Variants in CD6 observed in about 807,000 individuals in gnomAD.
CD6 encodes CD6 molecule, also known as T-cell differentiation antigen CD6.
CD6 carries 53 observed loss-of-function variants against 75.3 expected under a neutral mutation model. The observed-to-expected ratio is 0.70, with a 90% CI of 0.56 to 0.88. CD6 has a LOEUF of 0.88. CD6 is among the 40% of genes least tolerant of loss of function. CD6 has a pLI of 0.00. For missense variants in CD6, 770 were observed against 897.1 expected (o/e 0.86, Z 1.81); for synonymous variants, 359 against 381.5 (o/e 0.94, Z 0.69).
At chr11:61,012,761 G>C in intron 6 of CD6, among the ~76,000 whole-genome samples, 1 of 152,174 alleles carries the variant, frequency 6.6e-6, no homozygotes, top group East Asian at 1.9e-4. Flanking sequence ...GGGCTGCAGA[G>C]GTGGGAGACC....
intron 8 of CD6, among the ~76,000 whole-genome samples, chr11:61,014,946 G>A (rs1246555572): frequency 6.6e-6 from 1 of 152,124 alleles, no homozygotes; most frequent in African/African-American, 2.4e-5. Flanking sequence ...TATGAAAAGA[G>A]AATGTGAATA....
At position 61,014,028 on chromosome 11, in the gene CD6, C is replaced by T. The variant is rs751653190; in HGVS notation, c.1387+14C>T. ...TCCCCAAAGAAGGTAGGATGTCCCC[C>T]ATCCTGGGTGTGGGAGGGCTGGGGA... On this transcript the variant is annotated intron_variant, in intron 8 of 12. Coordinates refer to ENST00000313421, the MANE Select transcript of CD6 (RefSeq NM_006725.5). The T allele has an allele frequency of 6.3e-7, 1 of 1,598,616 alleles. No individual in the cohort carries two copies. The highest frequency in any genetic ancestry group is 8.6e-7 in the Non-Finnish European group (1 of 1,168,790).
At position 61,018,276 on chromosome 11, in the gene CD6, TG is replaced by T; in HGVS notation, c.1838-8del. 1 of 1,582,310 alleles carries T rather than the reference TG, an allele frequency of 6.3e-7. No homozygotes were observed. The highest frequency in any genetic ancestry group is 8.6e-7 in the Non-Finnish European group (1 of 1,163,556). On this transcript the variant is annotated splice_polypyrimidine_tract_variant and intron_variant, in intron 11 of 12. Coordinates refer to ENST00000313421, the MANE Select transcript of CD6 (RefSeq NM_006725.5). ...TGTGCTGGCAGAGGGTGACTGGTTC[TG>T]GGGGTTTCCAGCAGGGCCCCCGGCT...
chr11:60,982,924 C>G (rs1857635188), intron 1 of CD6, among the ~76,000 whole-genome samples: 2 of 151,958 alleles, frequency 1.3e-5, no homozygotes, highest in Admixed American at 6.6e-5. Flanking sequence ...CTCCCCACCC[C>G]CACCCCTAGA....
chr11:60,991,353 A>G (rs951933610), intron 1 of CD6, among the ~76,000 whole-genome samples: 4 of 151,582 alleles, frequency 2.6e-5, no homozygotes, highest in Non-Finnish European at 5.9e-5. Context: ...GGGCTTCTCC[A>G]TGTTGGTCAG....
At chr11:61,005,051 C>T (rs1858784006) in intron 1 of CD6, among the ~76,000 whole-genome samples, 2 of 152,224 alleles carry the variant, frequency 1.3e-5, no homozygotes, top group African/African-American at 2.4e-5. Context: ...CATCCCAGCC[C>T]AGAGGGGAGG....
intron 1 of CD6, among the ~76,000 whole-genome samples, chr11:60,983,777 A>T (rs1312936426): frequency 2.2e-4 from 34 of 152,196 alleles, no homozygotes; most frequent in Admixed American, 2.1e-3. Context: ...ATCTTCTAAG[A>T]CAAAAGAAAT....
At chr11:61,015,928 C>A (rs1590728269) in intron 9 of CD6, 93 bp downstream of exon 9, 1 of 1,455,318 alleles carries the variant, frequency 6.9e-7, no homozygotes, top group Non-Finnish European at 9.4e-7. Flanking sequence ...CACCTAGTAA[C>A]CCCTGCATGA....
intron 1 of CD6, among the ~76,000 whole-genome samples, chr11:60,976,078 T>C (rs1348623157): frequency 6.6e-6 from 1 of 152,208 alleles, no homozygotes; most frequent in Non-Finnish European, 1.5e-5. Context: ...CACGGATATA[T>C]TACGTAGTGG....
At chr11:61,014,991 G>T (rs1361158820) in intron 8 of CD6, among the ~76,000 whole-genome samples, 1 of 152,212 alleles carries the variant, frequency 6.6e-6, no homozygotes, top group East Asian at 1.9e-4. Context: ...TAAGGCAGCT[G>T]CTCACTGAAT....
chr11:60,994,542 G>A (rs1356170576), intron 1 of CD6, among the ~76,000 whole-genome samples: 9 of 148,326 alleles, frequency 6.1e-5, no homozygotes, highest in East Asian at 6.0e-4. Context: ...ACTTCCATCC[G>A]TCTCTGTCAA....
At position 61,007,844 on chromosome 11, in the gene CD6, C is replaced by G. The variant is rs763829539; in HGVS notation, c.403C>G (p.Arg135Gly). Residue 135 changes from arginine to glycine, a missense_variant, in exon 3 of 13, where the codon CGG becomes GGG. Coordinates refer to ENST00000313421, the MANE Select transcript of CD6 (RefSeq NM_006725.5). This position sits in a 1 kb window ranked among gnomAD's most constrained non-coding sequence, Gnocchi z 4.2. ...PALLCSGAEWRLCEVVEHACR... is the reference protein window; with the variant it reads ...PALLCSGAEWGLCEVVEHACR... The stretch of plus-strand genomic sequence containing the variant: ...CCTCCTGTGCAGCGGCGCCGAGTGG[C>G]GGCTCTGCGAGGTGGTGGAGCACGC... 6 of 1,420,306 alleles carry G rather than the reference C, an allele frequency of 4.2e-6. No individual in the cohort carries two copies. In the East Asian group the frequency reaches 1.2e-4, roughly 28 times the overall value. The allele number at this position is 1,420,306 out of a possible 1,614,324, so 88.0% of individuals were successfully genotyped here. A position where few individuals can be genotyped will look rare whatever the true frequency, so the allele number is the denominator to read the frequency against.
chr11:61,002,552 G>A (rs908817923), intron 1 of CD6, among the ~76,000 whole-genome samples: 18 of 151,408 alleles, frequency 1.2e-4, no homozygotes, highest in African/African-American at 4.4e-4. Flanking sequence ...GCAAGACACT[G>A]TTTCAAAAAA....
chr11:60,978,809 T>C (rs1229021882), intron 1 of CD6, among the ~76,000 whole-genome samples: 4 of 152,190 alleles, frequency 2.6e-5, no homozygotes, highest in Admixed American at 2.6e-4. Context: ...GGTGGTTTCT[T>C]TGCCTGCATG....
At chr11:60,983,153 G>GTGT (rs1857650840) in intron 1 of CD6, among the ~76,000 whole-genome samples, 1 of 151,208 alleles carries the variant, frequency 6.6e-6, no homozygotes, top group South Asian at 2.1e-4. Flanking sequence ...TTGGAGTGCA[G>GTGT]TGTTGTGATC....
rs763720830 is a variant in CD6, at chr11:61,006,630, C to T, written c.106C>T (p.Leu36Phe). Reference sequence around the variant, plus strand: ...CAACACCAGCAGTGCAGAGAGTGAGCTCTGGGAGCCAGGTGAGCAAACATT... The same window carrying T: ...CAACACCAGCAGTGCAGAGAGTGAGTTCTGGGAGCCAGGTGAGCAAACATT... ...QLNTSSAESE[L>F]WEPGERLPVR... Residue 36 changes from leucine to phenylalanine, a missense_variant, in exon 2 of 13, where the codon CTC becomes TTC. Coordinates refer to ENST00000313421, the MANE Select transcript of CD6 (RefSeq NM_006725.5). 3.7e-6 allele frequency: 6 copies of T among 1,609,174 alleles called. No homozygotes were observed. The highest frequency in any genetic ancestry group is 1.3e-5 in the African/African-American group (1 of 74,860).
At chr11:60,973,450 G>A (rs1857263686) in intron 1 of CD6, among the ~76,000 whole-genome samples, 1 of 152,166 alleles carries the variant, frequency 6.6e-6, no homozygotes, top group Non-Finnish European at 1.5e-5. Context: ...TTGAAACTGT[G>A]TTGATATTTA....
chr11:61,012,541 C>T (rs1859201997), intron 6 of CD6, among the ~76,000 whole-genome samples: 1 of 152,172 alleles, frequency 6.6e-6, no homozygotes, highest in South Asian at 2.1e-4. Context: ...AGAGGGTTCT[C>T]TCCCAGGGGA....
At chr11:60,981,632 G>A (rs1857561807) in intron 1 of CD6, among the ~76,000 whole-genome samples, 1 of 152,254 alleles carries the variant, frequency 6.6e-6, no homozygotes, top group African/African-American at 2.4e-5. Flanking sequence ...GCTCCTTAGG[G>A]TGTTAGGAGA....
Sources: gnomAD v4.1 joint callset for allele counts (sites outside exome capture counted in the v4.1 genomes callset) on GRCh38, gnomAD v4.1.1 for gene constraint, Gnocchi (gnomAD v3.1) non-coding constraint, MANE v1.5 for transcripts, NCBI Gene and HGNC (gene_info 2026-07-23, HGNC 2026-07-21) for gene names.